SSUH2: variants seen among roughly 807,000 people sequenced by gnomAD.
SSUH2 encodes the protein protein SSUH2 homolog.
Under a neutral mutation model 55.3 loss-of-function variants are expected in SSUH2, and 47 were observed. The observed-to-expected ratio is 0.85, with a 90% CI of 0.67 to 1.08. The LOEUF (loss-of-function observed/expected upper bound fraction) is 1.08. SSUH2 is among the 50% of genes least tolerant of loss of function. The probability of loss-of-function intolerance (pLI) is 0.00; values close to 1 mark genes in which losing one functional copy is unlikely to be tolerated. For synonymous variants in SSUH2, 212 were observed against 191.5 expected (o/e 1.11, Z -0.89); for missense variants, 535 against 490.7 (o/e 1.09, Z -0.85).
intron 4 of SSUH2, among the ~76,000 whole-genome samples, chr3:8,671,415 C>T (rs1008318363): frequency 2.6e-5 from 4 of 151,932 alleles, no homozygotes; most frequent in East Asian, 1.9e-4. Flanking sequence ...AAGGATCATA[C>T]GAGTAATTTG....
chr3:8,658,038 T>G (rs1318849390), intron 7 of SSUH2, among the ~76,000 whole-genome samples: 1 of 152,194 alleles, frequency 6.6e-6, no homozygotes, highest in Non-Finnish European at 1.5e-5. Context: ...GAGAAGAGCA[T>G]CCACTCTGCA....
chr3:8,646,762 G>A (rs115824647), upstream of SSUH2, among the ~76,000 whole-genome samples: 136 of 152,302 alleles, frequency 8.9e-4, no homozygotes, highest in African/African-American at 3.1e-3. Context: ...TGGGACCCAC[G>A]ACAGTGTGAG....
intron 7 of SSUH2, 123 bp downstream of exon 7, chr3:8,629,535 GGAGGAT>G (rs753077405): frequency 1.3e-6 from 1 of 748,484 alleles, no homozygotes; most frequent in Non-Finnish European, 2.3e-6. Context: ...GCCCAGAAAG[GGAGGAT>G]GACTTGGCTG....
At position 8,632,008 on chromosome 3, in the gene SSUH2, T is replaced by TA. The variant is rs1233208569; in HGVS notation, c.400+40dup. Reference sequence around the variant, plus strand: ...GATATTTTCCACCAGCACCCTGACTTATTTGCCCCCAGTTAAACTAATTTC... The same window carrying TA: ...GATATTTTCCACCAGCACCCTGACTTAATTTGCCCCCAGTTAAACTAATTTC... On this transcript the variant is annotated intron_variant, in intron 5 of 11. Transcript: ENST00000544814. 8 of 1,535,344 alleles carry TA rather than the reference T, an allele frequency of 5.2e-6. No homozygotes were observed. In the Admixed American group the frequency reaches 1.2e-4, roughly 22 times the overall value.
chr3:8,642,979 A>T (rs1257495157), intron 1 of SSUH2, among the ~76,000 whole-genome samples: 1 of 152,178 alleles, frequency 6.6e-6, no homozygotes, highest in Non-Finnish European at 1.5e-5. Context: ...CAACCCTATG[A>T]AAGACTCAGG....
chr3:8,677,896 A>C (rs1705541189), intron 2 of SSUH2, among the ~76,000 whole-genome samples: 3 of 150,408 alleles, frequency 2.0e-5, no homozygotes, highest in Non-Finnish European at 3.0e-5. Flanking sequence ...GAGTAATATC[A>C]TCTCCCCCTC....
At chr3:8,625,341 A>G (rs1486828835) in intron 10 of SSUH2, among the ~76,000 whole-genome samples, 4 of 152,152 alleles carry the variant, frequency 2.6e-5, no homozygotes, top group Admixed American at 2.6e-4. Flanking sequence ...GGGGAAGGAC[A>G]GAGGGCTGAG....
rs1398224453 is a variant in SSUH2, at chr3:8,679,354, C to A, written c.-901+351G>T. Among the ~76,000 whole-genome samples the A allele has an allele frequency of 2.0e-5, 2 of 100,634 alleles. 1 individual carries two copies. 66.0% of individuals were successfully genotyped at this position (100,634 alleles called of 152,430 possible). A position where few individuals can be genotyped will look rare whatever the true frequency, so the allele number is the denominator to read the frequency against. On this transcript the variant is annotated intron_variant, in intron 2 of 18. Transcript: ENST00000317371. ...TCTTCCCGCCCCTTGCTCTTCCGAC[C>A]CCCATCGCATTGGCGGGAGGCATCC...
At chr3:8,659,667 C>G (rs567039470) in intron 6 of SSUH2, 6 of 422,150 alleles carry the variant, frequency 1.4e-5, no homozygotes, top group Non-Finnish European at 2.9e-5. Flanking sequence ...GACCCAAACC[C>G]TCAATGGGCA....
upstream of SSUH2, chr3:8,644,822 T>C (rs1379224621): frequency 7.0e-7 from 1 of 1,419,206 alleles, no homozygotes. Context: ...TGTGCTCTGA[T>C]GGACCACCCT....
At chr3:8,673,414 AC>A (rs1704844021) in intron 3 of SSUH2, among the ~76,000 whole-genome samples, 1 of 152,012 alleles carries the variant, frequency 6.6e-6, no homozygotes, top group Admixed American at 6.6e-5. Flanking sequence ...CCACTGAGAG[AC>A]CAGCGGTATA....
At chr3:8,676,379 T>C (rs1705269937) in intron 3 of SSUH2, among the ~76,000 whole-genome samples, 1 of 151,296 alleles carries the variant, frequency 6.6e-6, no homozygotes, top group African/African-American at 2.4e-5. Context: ...TGGGGGCGAG[T>C]CCACCTTCTG....
At chr3:8,661,813 T>C (rs903057793) in intron 6 of SSUH2, among the ~76,000 whole-genome samples, 3 of 152,152 alleles carry the variant, frequency 2.0e-5, no homozygotes, top group African/African-American at 7.2e-5. Flanking sequence ...CCAAATCTCA[T>C]CTTGAATTGT....
intron 7 of SSUH2, among the ~76,000 whole-genome samples, chr3:8,628,115 G>A (rs993822614): frequency 2.0e-5 from 3 of 152,148 alleles, no homozygotes; most frequent in African/African-American, 7.2e-5. Context: ...TGGCACTGGA[G>A]ACAGGGGGCT....
rs745765139 is a variant in SSUH2, at chr3:8,633,676, G to T, written c.329C>A (p.Thr110Asn). 6 of 1,525,574 alleles carry T rather than the reference G, an allele frequency of 3.9e-6. No individual in the cohort carries two copies. The highest frequency in any genetic ancestry group is 5.3e-6 in the Non-Finnish European group (6 of 1,138,154). 94.5% of individuals were successfully genotyped at this position (1,525,574 alleles called of 1,614,324 possible). A position where few individuals can be genotyped will look rare whatever the true frequency, so the allele number is the denominator to read the frequency against. ...GCCCTGGCCTCTCACCCTGCAGAGG[G>T]TCTGCCGCTTCAGCTCCTGGATGAC... ...DLVIQELKRQ[T>N]LCRYRLETFS... is the part of the protein sequence containing the mutation. Residue 110 changes from threonine (T) to asparagine (N), a missense_variant, in exon 4 of 12, where the codon ACC becomes AAC. Physicochemically the swap from Thr to Asn is moderately conservative, Grantham distance 65. Coordinates refer to ENST00000544814, the MANE Select transcript of SSUH2 (RefSeq NM_001256748.3).
chr3:8,644,580 AAG>A (rs1701413067), intron 1 of SSUH2, 149 bp downstream of exon 1: 1 of 730,338 alleles, frequency 1.4e-6, no homozygotes, highest in South Asian at 1.6e-5. Context: ...GGGCAGATGG[AAG>A]AGTTCACACA....
intron 7 of SSUH2, 89 bp downstream of exon 7, chr3:8,629,575 G>A: frequency 1.8e-6 from 2 of 1,139,326 alleles, no homozygotes; most frequent in Admixed American, 1.8e-5. Flanking sequence ...ACTGCAGGGA[G>A]CCTCAGGCCA....
intron 9 of SSUH2, 67 bp from the exon 10 acceptor site, chr3:8,625,714 T>C: frequency 8.8e-7 from 1 of 1,131,942 alleles, no homozygotes; most frequent in Non-Finnish European, 1.3e-6. Flanking sequence ...GCCTTTGCAA[T>C]CAGACAGACC....
intron 3 of SSUH2, chr3:8,634,349 T>TC (rs2125193552): frequency 7.9e-7 from 1 of 1,269,002 alleles, no homozygotes; most frequent in Non-Finnish European, 1.0e-6. Context: ...TCTGCATGCC[T>TC]CCCCCTCCTC....
Sources: allele counts gnomAD v4.1 joint callset (sites outside exome capture counted in the v4.1 genomes callset), GRCh38; gene constraint gnomAD v4.1.1; transcripts MANE v1.5; gene names NCBI Gene and HGNC (gene_info 2026-07-23, HGNC 2026-07-21).